Variants in PITPNC1 observed in about 807,000 individuals in gnomAD.
PITPNC1 encodes the protein phosphatidylinositol transfer protein cytoplasmic 1.
A neutral mutation model predicts 44.7 loss-of-function variants in PITPNC1; 18 were observed. The observed-to-expected ratio is 0.40, with a 90% CI of 0.28 to 0.60. The LOEUF (loss-of-function observed/expected upper bound fraction) is 0.60, where lower values mean the gene tolerates loss of function less well. PITPNC1 is among the 20% of genes least tolerant of loss of function. PITPNC1 has a pLI of 0.39. For missense variants in PITPNC1, 290 were observed against 418.4 expected, an observed-to-expected ratio of 0.69 and a Z score of 2.68; for synonymous variants, 141 against 149.6, an observed-to-expected ratio of 0.94 and a Z score of 0.42.
chr17:67,512,368 ATGGG>A (rs1262139702), intron 1 of PITPNC1, among the ~76,000 whole-genome samples: 4 of 151,994 alleles, frequency 2.6e-5, no homozygotes, highest in African/African-American at 9.7e-5. Context: ...AGGCGTGATG[ATGGG>A]TGCCTGTAAT....
intron 1 of PITPNC1, among the ~76,000 whole-genome samples, chr17:67,458,613 C>T (rs2039289115): frequency 6.6e-6 from 1 of 152,176 alleles, no homozygotes; most frequent in Non-Finnish European, 1.5e-5. Context: ...AGCACACTTA[C>T]ATTGTACTCC....
At chr17:67,378,869 C>G (rs1172960952) in intron 1 of PITPNC1, 2 of 494,234 alleles carry the variant, frequency 4.0e-6, no homozygotes, top group Non-Finnish European at 5.2e-6. Context: ...GAGCCGGGAG[C>G]GGCGGGGGCT....
intron 1 of PITPNC1, among the ~76,000 whole-genome samples, chr17:67,412,600 C>G (rs1224892789): frequency 1.3e-5 from 2 of 152,072 alleles, no homozygotes; most frequent in Non-Finnish European, 2.9e-5. Flanking sequence ...GAGTTTCGCT[C>G]TTGTTGTCCA....
intron 2 of PITPNC1, 65 bp from the exon 3 acceptor site, chr17:67,552,192 A>G: frequency 1.2e-6 from 1 of 819,892 alleles, no homozygotes; most frequent in Non-Finnish European, 2.2e-6. Context: ...TTATCCAGAA[A>G]GATGTGGTAG....
At chr17:67,592,179 T>C (rs1412046725) in intron 5 of PITPNC1, among the ~76,000 whole-genome samples, 1 of 152,158 alleles carries the variant, frequency 6.6e-6, no homozygotes, top group Non-Finnish European at 1.5e-5. Flanking sequence ...GATAGCAAAA[T>C]GATTATGTTC....
intron 1 of PITPNC1, among the ~76,000 whole-genome samples, chr17:67,468,831 C>T (rs1198090459): frequency 6.6e-6 from 1 of 151,996 alleles, no homozygotes; most frequent in Non-Finnish European, 1.5e-5. Context: ...CAGGTTCAAG[C>T]GATTCTCCTG....
At chr17:67,644,436 T>C (rs2042124465) in intron 6 of PITPNC1, among the ~76,000 whole-genome samples, 1 of 134,080 alleles carries the variant, frequency 7.5e-6, no homozygotes, top group Non-Finnish European at 1.5e-5. Flanking sequence ...TTTTTTTTTT[T>C]TTTTTTTTTT....
At chr17:67,442,205 A>ATATATATATATG (rs1567991345) in intron 1 of PITPNC1, among the ~76,000 whole-genome samples, 10 of 10,908 alleles carry the variant, frequency 9.2e-4, no homozygotes, top group Non-Finnish European at 1.6e-3. Context: ...GAAAATAAGC[A>ATATATATATATG]TATATATATA....
intron 5 of PITPNC1, among the ~76,000 whole-genome samples, chr17:67,604,019 A>G (rs1349417940): frequency 6.6e-6 from 1 of 152,158 alleles, no homozygotes; most frequent in Non-Finnish European, 1.5e-5. Flanking sequence ...ACAGTGAGGA[A>G]AGGGAAATAA....
At chr17:67,511,749 T>C (rs1047986450) in intron 1 of PITPNC1, among the ~76,000 whole-genome samples, 2 of 152,178 alleles carry the variant, frequency 1.3e-5, no homozygotes, top group African/African-American at 2.4e-5. Context: ...CCTCAGATGA[T>C]CCACCCACCT....
chr17:67,488,961 G>A (rs972677494), intron 1 of PITPNC1, among the ~76,000 whole-genome samples: 12 of 152,086 alleles, frequency 7.9e-5, no homozygotes, highest in African/African-American at 2.7e-4. Context: ...TCCATTGTAC[G>A]GATATACCAT....
At chr17:67,455,595 G>GTT (rs141136687) in intron 1 of PITPNC1, among the ~76,000 whole-genome samples, 114 of 132,786 alleles carry the variant, frequency 8.6e-4, no homozygotes, top group Middle Eastern at 4.3e-3. Context: ...AGTTTTTTTT[G>GTT]TTTTTTTTTG....
At chr17:67,510,527 A>G (rs2040171297) in intron 1 of PITPNC1, among the ~76,000 whole-genome samples, 1 of 151,696 alleles carries the variant, frequency 6.6e-6, no homozygotes, top group South Asian at 2.1e-4. Flanking sequence ...GCCCTTCACT[A>G]CTCAAGAGGG....
intron 4 of PITPNC1, among the ~76,000 whole-genome samples, chr17:67,572,732 C>T (rs1290242134): frequency 1.4e-5 from 2 of 148,064 alleles, no homozygotes; most frequent in African/African-American, 5.0e-5. Context: ...AAAGAAATTT[C>T]GGGCTGAGAG....
intron 1 of PITPNC1, among the ~76,000 whole-genome samples, chr17:67,420,362 TCC>T (rs2143864103): frequency 1.1e-4 from 1 of 8,820 alleles, no homozygotes; most frequent in South Asian, 3.6e-3. Context: ...TTTCTCTCTC[TCC>T]TTCCTTCCTT....
At chr17:67,532,750 GT>G in intron 1 of PITPNC1, 51 bp from the exon 2 acceptor site, 2 of 1,469,566 alleles carry the variant, frequency 1.4e-6, no homozygotes, top group Non-Finnish European at 1.8e-6. Context: ...GGAGGGGGAT[GT>G]CAGGGGCACG....
chr17:67,680,973 A>G (rs539785497), intron 8 of PITPNC1, among the ~76,000 whole-genome samples: 2 of 152,320 alleles, frequency 1.3e-5, no homozygotes, highest in South Asian at 4.1e-4. Flanking sequence ...TGTAGAGGGA[A>G]ATAAAGTATA....
At chr17:67,545,332 A>G (rs2040663795) in intron 2 of PITPNC1, among the ~76,000 whole-genome samples, 1 of 151,662 alleles carries the variant, frequency 6.6e-6, no homozygotes, top group African/African-American at 2.4e-5. Context: ...GTCTCCCAGC[A>G]CTTTGGGAGG....
chr17:67,653,528 T>G (rs2042231576), intron 6 of PITPNC1, among the ~76,000 whole-genome samples: 2 of 151,852 alleles, frequency 1.3e-5, no homozygotes. Flanking sequence ...GCCACCAGTG[T>G]GTGATTATCT....
Sources: gnomAD v4.1 joint callset for allele counts (sites outside exome capture counted in the v4.1 genomes callset) on GRCh38, gnomAD v4.1.1 for gene constraint, MANE v1.5 for transcripts, NCBI Gene and HGNC (gene_info 2026-07-23, HGNC 2026-07-21) for gene names.